The following NUMB variants were observed in gnomAD, a reference collection of about 807,000 sequenced individuals.
NUMB encodes NUMB endocytic adaptor protein, also known as protein numb homolog.
NUMB carries 29 observed loss-of-function variants against 59.7 expected under a neutral mutation model. The ratio of observed to expected loss-of-function variants is 0.49; its 90% CI spans 0.36 to 0.66. The LOEUF (loss-of-function observed/expected upper bound fraction) is 0.66. Ranked by LOEUF, NUMB falls within the 30% of genes least tolerant of loss-of-function variation. NUMB has a pLI of 0.00. For missense variants in NUMB, 723 were observed against 822.0 expected (o/e 0.88, Z 1.47); for synonymous variants, 288 against 288.2 (o/e 1.00, Z 0.01).
chr14:73,418,954 A>G (rs1897241549), intron 1 of NUMB, among the ~76,000 whole-genome samples: 1 of 152,182 alleles, frequency 6.6e-6, no homozygotes, highest in Non-Finnish European at 1.5e-5. Flanking sequence ...CAAGAATAGG[A>G]CCAAAGAGTC....
chr14:73,438,204 C>T (rs765873211), intron 1 of NUMB, among the ~76,000 whole-genome samples: 4 of 152,088 alleles, frequency 2.6e-5, no homozygotes, highest in Non-Finnish European at 5.9e-5. Flanking sequence ...TACAGAAATA[C>T]TGAAAGTCAT....
At chr14:73,327,086 C>T (rs1231259772) in intron 4 of NUMB, among the ~76,000 whole-genome samples, 1 of 151,900 alleles carries the variant, frequency 6.6e-6, no homozygotes, top group Non-Finnish European at 1.5e-5. Flanking sequence ...TTTTTTCCTA[C>T]AATTTTTAAA....
chr14:73,283,753 G>C (rs1888795472), intron 10 of NUMB, among the ~76,000 whole-genome samples: 1 of 152,214 alleles, frequency 6.6e-6, no homozygotes. Context: ...GGCAGAATAA[G>C]AATAGAAACT....
At chr14:73,353,209 T>C (rs1182194488) in intron 4 of NUMB, among the ~76,000 whole-genome samples, 1 of 149,674 alleles carries the variant, frequency 6.7e-6, no homozygotes, top group Non-Finnish European at 1.5e-5. Context: ...CTTAGCTTCC[T>C]GAGTAGCTGG....
intron 1 of NUMB, among the ~76,000 whole-genome samples, chr14:73,418,543 A>G (rs116356880): frequency 0.058 from 8,853 of 152,128 alleles, 718 homozygotes; most frequent in African/African-American, 0.19. Flanking sequence ...AGGCACAGGC[A>G]GGTAGATCAT....
chr14:73,278,221 CTA>C (rs1040645809), intron 12 of NUMB, among the ~76,000 whole-genome samples: 1 of 152,096 alleles, frequency 6.6e-6, no homozygotes, highest in African/African-American at 2.4e-5. Context: ...GCCTTTATTA[CTA>C]TGTTAAAACC....
intron 4 of NUMB, among the ~76,000 whole-genome samples, chr14:73,346,065 T>C (rs931780669): frequency 6.6e-6 from 1 of 152,224 alleles, no homozygotes; most frequent in Non-Finnish European, 1.5e-5. Context: ...CATGTTGTGA[T>C]TTAATACTCG....
rs776052088 is a variant in NUMB, at chr14:73,287,183, T to C, written c.582A>G (p.Ser194=). The C allele has an allele frequency of 3.7e-6, 6 of 1,613,960 alleles. No homozygotes were observed. In the East Asian group the frequency reaches 6.7e-5, roughly 18 times the overall value. Residue 194 remains serine (S), a synonymous_variant, in exon 9 of 13, where the codon TCA becomes TCG. Transcript: ENST00000555238. The stretch of plus-strand genomic sequence containing the variant: ...GTTCAGTGGCTGTTGTGACACGGAA[T>C]GATCCTTCTCTTGTAAAAGTGGTCC... ...ASRTTFTREG[S]FRVTTATEQA... is the part of the protein sequence containing the mutation.
chr14:73,356,166 T>C (rs1893770069), intron 3 of NUMB, among the ~76,000 whole-genome samples: 1 of 152,178 alleles, frequency 6.6e-6, no homozygotes, highest in Admixed American at 6.5e-5. Flanking sequence ...TTTGTACATG[T>C]AGACCAAATT....
At position 73,316,272 on chromosome 14, in the gene NUMB, C is replaced by G. The variant is rs1328914614; in HGVS notation, c.234+118G>C. On this transcript the variant is annotated intron_variant, in intron 6 of 12. Transcript: ENST00000555238. Reference sequence around the variant, plus strand: ...TAATTCATTAATTTCCATATACAATCAAACCAATTCCTGCATTATAAAGAA... The same window carrying G: ...TAATTCATTAATTTCCATATACAATGAAACCAATTCCTGCATTATAAAGAA... 9.8e-6 allele frequency: 8 copies of G among 818,870 alleles called. No individual in the cohort carries two copies. In the African/African-American group the frequency reaches 1.4e-4, roughly 14 times the overall value. 50.7% of individuals were successfully genotyped at this position (818,870 alleles called of 1,614,324 possible).
intron 1 of NUMB, among the ~76,000 whole-genome samples, chr14:73,427,658 C>T (rs567497399): frequency 6.6e-6 from 1 of 152,198 alleles, no homozygotes; most frequent in African/African-American, 2.4e-5. Flanking sequence ...AAAGCCAGTT[C>T]TCAAGTATAG....
intron 1 of NUMB, among the ~76,000 whole-genome samples, chr14:73,418,319 T>C (rs1897213855): frequency 6.6e-6 from 1 of 152,140 alleles, no homozygotes; most frequent in African/African-American, 2.4e-5. Context: ...GGTGGTTTTG[T>C]GGACTGGAGA....
intron 1 of NUMB, among the ~76,000 whole-genome samples, chr14:73,427,979 G>A (rs1342521236): frequency 6.6e-6 from 1 of 152,140 alleles, no homozygotes; most frequent in African/African-American, 2.4e-5. Flanking sequence ...AAAGAAAAGT[G>A]TCTTTATAAC....
At chr14:73,442,265 T>C (rs1231321404) in intron 1 of NUMB, among the ~76,000 whole-genome samples, 8 of 150,506 alleles carry the variant, frequency 5.3e-5, no homozygotes, top group Admixed American at 4.0e-4. Flanking sequence ...TCCTAGCTAC[T>C]CAGAGGCTGA....
At chr14:73,436,707 G>A (rs1235223402) in intron 1 of NUMB, among the ~76,000 whole-genome samples, 4 of 151,954 alleles carry the variant, frequency 2.6e-5, no homozygotes, top group South Asian at 2.1e-4. Flanking sequence ...TTGGCCGGGC[G>A]CGGTGGCTCA....
At chr14:73,327,793 T>A (rs1208777368) in intron 4 of NUMB, among the ~76,000 whole-genome samples, 1 of 152,024 alleles carries the variant, frequency 6.6e-6, no homozygotes, top group Non-Finnish European at 1.5e-5. Flanking sequence ...GGTTTAGAGG[T>A]CTATGAGATT....
At chr14:73,356,905 T>C in intron 3 of NUMB, 1 of 207,294 alleles carries the variant, frequency 4.8e-6, no homozygotes, top group Non-Finnish European at 8.4e-6. Flanking sequence ...ACTATGTTGA[T>C]CAGGCTGGTC....
chr14:73,382,520 G>A (rs1468339930), intron 2 of NUMB, among the ~76,000 whole-genome samples: 3 of 151,620 alleles, frequency 2.0e-5, no homozygotes, highest in African/African-American at 7.3e-5. Flanking sequence ...CTGACAAGAA[G>A]GAGAGGCCCT....
chr14:73,320,247 T>C (rs1891331053), intron 5 of NUMB, among the ~76,000 whole-genome samples: 1 of 152,222 alleles, frequency 6.6e-6, no homozygotes, highest in Admixed American at 6.5e-5. Flanking sequence ...AGTGCAAAAC[T>C]ACATATAACA....
Sources: allele counts gnomAD v4.1 joint callset (sites outside exome capture counted in the v4.1 genomes callset), GRCh38; gene constraint gnomAD v4.1.1; transcripts MANE v1.5; gene names NCBI Gene and HGNC (gene_info 2026-07-23, HGNC 2026-07-21).